Variants in CNTNAP3B observed in about 807,000 individuals in gnomAD.
CNTNAP3B encodes contactin-associated protein-like 3B.
Under a neutral mutation model 108.9 loss-of-function variants are expected in CNTNAP3B, and 25 were observed. That is an observed-to-expected ratio of 0.23 (90% CI 0.17 to 0.32). The LOEUF is 0.32. Ranked by LOEUF, CNTNAP3B falls within the 10% of genes least tolerant of loss-of-function variation. The pLI is 1.00. For synonymous variants in CNTNAP3B, 103 were observed against 473.4 expected (o/e 0.22, Z 10.16); for missense variants, 252 against 1,210.4 (o/e 0.21, Z 11.75).
intron 13 of CNTNAP3B, among the ~76,000 whole-genome samples, chr9:41,944,610 G>C (rs1316334029): frequency 7.2e-5 from 11 of 152,164 alleles, no homozygotes; most frequent in African/African-American, 2.7e-4. Flanking sequence ...AAAAATGTGA[G>C]AGGGGAATTC....
chr9:41,975,183 G>A (rs1163034304), intron 9 of CNTNAP3B: 10 of 190,192 alleles, frequency 5.3e-5, no homozygotes, highest in South Asian at 7.6e-5. Context: ...CAAATCAGGC[G>A]GCAAGATCAT....
intron 1 of CNTNAP3B, among the ~76,000 whole-genome samples, chr9:42,128,709 C>T (rs1587295255): frequency 1.0e-5 from 1 of 95,578 alleles, no homozygotes; most frequent in East Asian, 3.0e-4. Flanking sequence ...CATTTGCAGG[C>T]TAATCTCTTA....
chr9:42,030,017 G>A (rs1368266113), intron 3 of CNTNAP3B, among the ~76,000 whole-genome samples: 2 of 35,316 alleles, frequency 5.7e-5, no homozygotes, highest in African/African-American at 1.3e-4. Context: ...GGTGGTGGGC[G>A]CCTGTAGTCC....
At chr9:41,972,384 T>C in intron 9 of CNTNAP3B, among the ~76,000 whole-genome samples, 1 of 113,260 alleles carries the variant, frequency 8.8e-6, no homozygotes, top group Non-Finnish European at 1.8e-5. Context: ...ACTAGCACAA[T>C]TTCAAAAAAT....
rs541401238 is a variant in CNTNAP3B, at chr9:42,117,788, A to T, written c.85+11222T>A. 4.4e-3 allele frequency among the ~76,000 whole-genome samples: 613 copies of T among 138,304 alleles called. 130 individuals are homozygous for T. Among genetic ancestry groups the T allele is most frequent in the African/African-American group, 0.017 (590 of 34,836 alleles). 90.7% of individuals were successfully genotyped at this position (138,304 alleles called of 152,430 possible). Reference sequence around the variant, plus strand: ...AATTGATAGACCACTAGCAAGACTAATAAAGAAGAAAAGAGAGAAGAATCA... The same window carrying T: ...AATTGATAGACCACTAGCAAGACTATTAAAGAAGAAAAGAGAGAAGAATCA... On this transcript the variant is annotated intron_variant, in intron 1 of 23. Transcript: ENST00000377561.
chr9:42,116,829 G>A (rs553407687), intron 1 of CNTNAP3B, among the ~76,000 whole-genome samples: 2,117 of 137,134 alleles, frequency 0.015, 286 homozygotes, highest in Non-Finnish European at 0.024. Flanking sequence ...ATGGAGGAAG[G>A]TCTGCCAAGC....
intron 10 of CNTNAP3B, among the ~76,000 whole-genome samples, chr9:41,967,054 C>A (rs1309828003): frequency 6.7e-6 from 1 of 149,714 alleles, no homozygotes. Flanking sequence ...CTATTTTTTG[C>A]GTAGCTTAAA....
chr9:42,047,389 G>C (rs1826893017), intron 3 of CNTNAP3B, among the ~76,000 whole-genome samples: 1 of 132,774 alleles, frequency 7.5e-6, no homozygotes, highest in South Asian at 2.5e-4. Flanking sequence ...AAAATCAGGA[G>C]GAAAAAAGCA....
rs556402288 is a variant in CNTNAP3B at position 42,120,714 on chromosome 9, T to C, written c.85+8296A>G. 4.4e-4 allele frequency among the ~76,000 whole-genome samples: 58 copies of C among 132,884 alleles called. 10 individuals carry two copies. Among genetic ancestry groups the C allele is most frequent in the African/African-American group, 1.7e-3 (54 of 32,630 alleles). The allele number at this position is 132,884 out of a possible 152,430, so 87.2% of individuals were successfully genotyped here. On this transcript the variant is annotated intron_variant, in intron 1 of 23. Coordinates refer to ENST00000377561, the MANE Select transcript of CNTNAP3B (RefSeq NM_001201380.3). ...GGAAACCATCATTCTCAGCAAACTA[T>C]TGCAAGGACAAAAAACCAAACACCG...
chr9:41,964,790 T>C lies in CNTNAP3B; in HGVS notation c.1650-146A>G, dbSNP rs1373764771. On this transcript the variant is annotated intron_variant, in intron 10 of 23. Transcript: ENST00000377561. ...TACTGGGTCTGCCATCAAGGTTCTC[T>C]AATTATATTGACAAACTTTAGATAA... 3.3e-6 allele frequency: 3 copies of C among 905,634 alleles called. No homozygotes were observed. In the South Asian group the frequency reaches 5.8e-5, roughly 18 times the overall value. The allele number at this position is 905,634 out of a possible 1,614,324, so 56.1% of individuals were successfully genotyped here. A position where few individuals can be genotyped will look rare whatever the true frequency, so the allele number is the denominator to read the frequency against.
chr9:42,002,494 G>T (rs1209193502), intron 4 of CNTNAP3B, among the ~76,000 whole-genome samples: 3 of 105,588 alleles, frequency 2.8e-5, no homozygotes, highest in Non-Finnish European at 6.0e-5. Context: ...TCCCAAATAC[G>T]AATTCTTGCA....
At chr9:41,934,112 T>TATATATATATATATATACACACAC (rs1206776352) in intron 14 of CNTNAP3B, among the ~76,000 whole-genome samples, 2 of 126,344 alleles carry the variant, frequency 1.6e-5, no homozygotes, top group Non-Finnish European at 3.3e-5. Flanking sequence ...TATATATATA[T>TATATATATATATATATACACACAC]ATATATATAT....
At chr9:41,923,305 G>T (rs1417508440) in intron 16 of CNTNAP3B, among the ~76,000 whole-genome samples, 1 of 149,732 alleles carries the variant, frequency 6.7e-6, no homozygotes, top group Admixed American at 6.6e-5. Context: ...TAAGCTTTGG[G>T]TACATAAAAA....
chr9:41,953,139 C>G (rs1430896561), intron 13 of CNTNAP3B, 44 bp downstream of exon 13: 3 of 1,441,604 alleles, frequency 2.1e-6, no homozygotes, highest in Non-Finnish European at 2.7e-6. Context: ...GAGGGCCGCG[C>G]CCCGGCCTCG....
At position 42,112,965 on chromosome 9, in the gene CNTNAP3B, C is replaced by A. The variant is rs1215903689; in HGVS notation, c.86-8226G>T. 1.6e-5 allele frequency among the ~76,000 whole-genome samples: 2 copies of A among 125,526 alleles called. 1 individual carries two copies. The highest frequency in any genetic ancestry group is 6.5e-5 in the African/African-American group (2 of 30,616). 82.3% of individuals were successfully genotyped at this position (125,526 alleles called of 152,430 possible). On this transcript the variant is annotated intron_variant, in intron 1 of 23. Transcript: ENST00000377561. The stretch of plus-strand genomic sequence containing the variant: ...AGACACGGGGTTTCACCATGTTAGC[C>A]AAGATAGTATCGATCTCCTGATCTC...
intron 3 of CNTNAP3B, among the ~76,000 whole-genome samples, chr9:42,072,974 C>T (rs894895462): frequency 7.2e-6 from 1 of 139,606 alleles, no homozygotes; most frequent in African/African-American, 2.8e-5. Flanking sequence ...AGCAGAGTAA[C>T]TAAAAAATGC....
rs1828115471 is a variant in CNTNAP3B at position 42,107,986 on chromosome 9, A to C, written c.86-3247T>G. On this transcript the variant is annotated intron_variant, in intron 1 of 23. Transcript: ENST00000377561. ...AAAGACTCCGTCTTAAAAAAAAAAA[A>C]AAGAAAGAAAGAAAGGCACTAAATT... Among the ~76,000 whole-genome samples, 3 of 134,100 alleles carry C rather than the reference A, an allele frequency of 2.2e-5. No individual in the cohort carries two copies. The South Asian group carries it at 7.2e-4, about 32-fold the overall frequency. 88.0% of individuals were successfully genotyped at this position (134,100 alleles called of 152,430 possible).
intron 3 of CNTNAP3B, among the ~76,000 whole-genome samples, chr9:42,061,316 TC>T (rs1827174008): frequency 3.2e-5 from 3 of 94,942 alleles, no homozygotes; most frequent in Non-Finnish European, 4.3e-5. Flanking sequence ...ATTTTCTTTT[TC>T]TTTTTTTTTT....
intron 3 of CNTNAP3B, among the ~76,000 whole-genome samples, chr9:42,064,109 C>T (rs1296663702): frequency 1.4e-5 from 2 of 145,936 alleles, no homozygotes; most frequent in Non-Finnish European, 3.0e-5. Context: ...TTCTCTATTG[C>T]AATTTTCATT....
Sources: allele counts gnomAD v4.1 joint callset (sites outside exome capture counted in the v4.1 genomes callset), GRCh38; gene constraint gnomAD v4.1.1; transcripts MANE v1.5; gene names NCBI Gene and HGNC (gene_info 2026-07-23, HGNC 2026-07-21).